Variants in USP6NL observed in about 807,000 individuals in gnomAD.
USP6NL encodes the protein USP6 N-terminal like, also known as USP6 N-terminal-like protein.
A neutral mutation model predicts 61.9 loss-of-function variants in USP6NL; 26 were observed. That is an observed-to-expected ratio of 0.42 (90% CI 0.31 to 0.58). USP6NL has a LOEUF of 0.58. USP6NL is among the 20% of genes least tolerant of loss of function. The probability of loss-of-function intolerance (pLI) is 0.16; values close to 1 mark genes in which losing one functional copy is unlikely to be tolerated. For synonymous variants in USP6NL, 432 were observed against 390.1 expected, an observed-to-expected ratio of 1.11 and a Z score of -1.27; for missense variants, 1,114 against 1,034.3, an observed-to-expected ratio of 1.08 and a Z score of -1.06.
At chr10:11,480,188 C>T (rs545819109) in intron 14 of USP6NL, among the ~76,000 whole-genome samples, 9 of 152,168 alleles carry the variant, frequency 5.9e-5, no homozygotes, top group Non-Finnish European at 1.2e-4. Context: ...TCCCTATCTG[C>T]ACAATGTAGA....
At chr10:11,551,437 C>T (rs1010932125) in intron 2 of USP6NL, among the ~76,000 whole-genome samples, 1 of 152,214 alleles carries the variant, frequency 6.6e-6, no homozygotes, top group African/African-American at 2.4e-5. Flanking sequence ...CAGATCAGAC[C>T]ATGTCATTTA....
chr10:11,522,600 C>G (rs1002759913), intron 4 of USP6NL, among the ~76,000 whole-genome samples: 1 of 152,158 alleles, frequency 6.6e-6, no homozygotes, highest in Non-Finnish European at 1.5e-5. Flanking sequence ...TCTGTGTTGT[C>G]TGTTTTAGGA....
chr10:11,504,986 A>G (rs1175125298), intron 6 of USP6NL, among the ~76,000 whole-genome samples: 1 of 152,144 alleles, frequency 6.6e-6, no homozygotes, highest in African/African-American at 2.4e-5. Flanking sequence ...GATACATACA[A>G]TTCTAAGAGA....
At position 11,463,929 on chromosome 10, in the gene USP6NL, G is replaced by A; in HGVS notation, c.1079-80C>T. 7.5e-7 allele frequency: 1 copy of A among 1,324,796 alleles called. No homozygotes were observed. The highest frequency in any genetic ancestry group is 1.0e-6 in the Non-Finnish European group (1 of 985,358). 82.1% of individuals were successfully genotyped at this position (1,324,796 alleles called of 1,614,324 possible). ...TTGAAGCAATCCATTAGTAACAATGGCATGCTTTTCATCTGTGCACAGATA... is the reference window on the plus strand; with the variant it reads ...TTGAAGCAATCCATTAGTAACAATGACATGCTTTTCATCTGTGCACAGATA... On this transcript the variant is annotated intron_variant, in intron 14 of 14. Transcript: ENST00000609104. This position sits in a 1 kb window ranked among gnomAD's most constrained non-coding sequence, Gnocchi z 6.3.
intron 2 of USP6NL, among the ~76,000 whole-genome samples, chr10:11,584,642 A>G (rs1837904915): frequency 6.6e-6 from 1 of 152,168 alleles, no homozygotes; most frequent in Non-Finnish European, 1.5e-5. Context: ...GTCTCAAAAT[A>G]AAACTATATG....
At chr10:11,568,388 A>T (rs535935328) in intron 2 of USP6NL, among the ~76,000 whole-genome samples, 1 of 152,312 alleles carries the variant, frequency 6.6e-6, no homozygotes, top group South Asian at 2.1e-4. Flanking sequence ...ACCTAAAGTC[A>T]TATGATAGTA....
chr10:11,467,761 AAT>A (rs1390858125), intron 14 of USP6NL, among the ~76,000 whole-genome samples: 1 of 152,108 alleles, frequency 6.6e-6, no homozygotes, highest in Non-Finnish European at 1.5e-5. Context: ...AGTAGTCATT[AAT>A]ATAGTTTTTA....
chr10:11,548,175 G>A lies in USP6NL; in HGVS notation c.5-20608C>T, dbSNP rs528368257. Among the ~76,000 whole-genome samples, 3 of 152,218 alleles carry A rather than the reference G, an allele frequency of 2.0e-5. No homozygotes were observed. The highest frequency in any genetic ancestry group is 2.9e-5 in the Non-Finnish European group (2 of 68,008). On this transcript the variant is annotated intron_variant, in intron 2 of 14. Coordinates refer to ENST00000609104, the MANE Select transcript of USP6NL (RefSeq NM_014688.5). The surrounding 1 kb of genome is among the most constrained non-coding windows in gnomAD (Gnocchi z 4.3). ...AACAAAATTAGGCTTTTCCACATGA[G>A]AGGCCTGTAAATACAAAACTCTGAC...
intron 13 of USP6NL, among the ~76,000 whole-genome samples, chr10:11,483,014 C>T (rs946861437): frequency 6.6e-6 from 1 of 152,176 alleles, no homozygotes; most frequent in South Asian, 2.1e-4. Flanking sequence ...GTACTCTCAG[C>T]AATTTTCAAG....
rs991568086 is a variant in USP6NL, at chr10:11,575,427, G to A, written c.4+22204C>T. Among the ~76,000 whole-genome samples the A allele has an allele frequency of 6.6e-6, 1 of 152,158 alleles. No individual in the cohort carries two copies. Among genetic ancestry groups the A allele is most frequent in the African/African-American group, 2.4e-5 (1 of 41,436 alleles). ...ATCTTTGGAAGGTACTGTTTTGACA[G>A]GTAACTTTCCATTAGCTTTCCTCTC... On this transcript the variant is annotated intron_variant, in intron 2 of 14. Transcript: ENST00000609104. The surrounding 1 kb of genome is among the most constrained non-coding windows in gnomAD (Gnocchi z 4.2).
At position 11,602,976 on chromosome 10, in the gene USP6NL, G is replaced by A. The variant is rs1340313775; in HGVS notation, c.-83-5259C>T. 2.0e-5 allele frequency among the ~76,000 whole-genome samples: 3 copies of A among 152,122 alleles called. No homozygotes were observed. The highest frequency in any genetic ancestry group is 4.4e-5 in the Non-Finnish European group (3 of 68,032). On this transcript the variant is annotated intron_variant, in intron 1 of 14. Transcript: ENST00000609104. The surrounding 1 kb of genome is among the most constrained non-coding windows in gnomAD (Gnocchi z 4.8). ...TTGCTGCAACCCCGTGAAACATAAC[G>A]TCACATTTCTACAGCTTTAAGTATT...
chr10:11,537,295 C>T lies in USP6NL; in HGVS notation c.5-9728G>A, dbSNP rs1224542262. On this transcript the variant is annotated intron_variant, in intron 2 of 14. Transcript: ENST00000609104. This position sits in a 1 kb window ranked among gnomAD's most constrained non-coding sequence, Gnocchi z 5.1. Reference sequence around the variant, plus strand: ...TCTAGCTAATACTTGTATTTTTTGTCGAGACGGGATTTTGCCATGTTGCCC... The same window carrying T: ...TCTAGCTAATACTTGTATTTTTTGTTGAGACGGGATTTTGCCATGTTGCCC... Among the ~76,000 whole-genome samples, 1 of 151,994 alleles carries T rather than the reference C, an allele frequency of 6.6e-6. No homozygotes were observed. The highest frequency in any genetic ancestry group is 1.5e-5 in the Non-Finnish European group (1 of 68,010).
At chr10:11,530,101 CAAAAAAAAAA>C (rs900768943) in intron 2 of USP6NL, among the ~76,000 whole-genome samples, 3 of 72,012 alleles carry the variant, frequency 4.2e-5, no homozygotes, top group African/African-American at 5.3e-5. Flanking sequence ...GACCCTGTCT[CAAAAAAAAAA>C]AAAAAAAAAA....
chr10:11,508,277 T>C (rs967567406), intron 6 of USP6NL, among the ~76,000 whole-genome samples: 10 of 152,254 alleles, frequency 6.6e-5, no homozygotes, highest in Admixed American at 5.2e-4. Context: ...CTAAGTGCTT[T>C]ACATGCATTA....
At chr10:11,488,141 G>T (rs1438134712) in intron 10 of USP6NL, among the ~76,000 whole-genome samples, 1 of 152,164 alleles carries the variant, frequency 6.6e-6, no homozygotes, top group East Asian at 1.9e-4. Flanking sequence ...GGCGGGGGCT[G>T]TGGCTCACAC....
In USP6NL at chr10:11,507,829, A is replaced by G. The variant is rs145766831; in HGVS notation, c.276+1766T>C. Among the ~76,000 whole-genome samples the G allele has an allele frequency of 3.4e-3, 525 of 152,314 alleles. 4 individuals carry two copies. The highest frequency in any genetic ancestry group is 0.017 in the Middle Eastern group (5 of 294). ...TCAACTAACTTATTTAATCCTCACA[A>G]CAAGCCTAATGGGGTAGGTAGTACA... On this transcript the variant is annotated intron_variant, in intron 6 of 14. Transcript: ENST00000609104.
chr10:11,549,142 C>T (rs1260083854), intron 2 of USP6NL, among the ~76,000 whole-genome samples: 1 of 152,046 alleles, frequency 6.6e-6, no homozygotes, highest in Non-Finnish European at 1.5e-5. Flanking sequence ...CTCATCTAAT[C>T]CTAAAGACCT....
At chr10:11,581,762 G>C (rs1459724705) in intron 2 of USP6NL, among the ~76,000 whole-genome samples, 2 of 152,122 alleles carry the variant, frequency 1.3e-5, no homozygotes, top group African/African-American at 2.4e-5. Flanking sequence ...TTCTACTTAA[G>C]CTTGGTTTTT....
At chr10:11,549,538 T>C (rs1473115651) in intron 2 of USP6NL, among the ~76,000 whole-genome samples, 1 of 152,184 alleles carries the variant, frequency 6.6e-6, no homozygotes, top group Non-Finnish European at 1.5e-5. Flanking sequence ...CAAACTCTTT[T>C]TAAATGTGAA....
Sources: gnomAD v4.1 joint callset for allele counts (sites outside exome capture counted in the v4.1 genomes callset) on GRCh38, gnomAD v4.1.1 for gene constraint, Gnocchi (gnomAD v3.1) non-coding constraint, MANE v1.5 for transcripts, NCBI Gene and HGNC (gene_info 2026-07-23, HGNC 2026-07-21) for gene names.